Variants in MMRN1 observed in about 807,000 individuals in gnomAD.
MMRN1 encodes the protein multimerin 1.
A neutral mutation model predicts 100.7 loss-of-function variants in MMRN1; 94 were observed. The ratio of observed to expected loss-of-function variants is 0.93; its 90% CI spans 0.79 to 1.11. The LOEUF is 1.11. Among genes scored for constraint, MMRN1 ranks in the 50% least tolerant of loss-of-function variants. The pLI, the probability that MMRN1 is intolerant of heterozygous loss-of-function variation, is 0.00. For synonymous variants in MMRN1, 575 were observed against 505.0 expected, an observed-to-expected ratio of 1.14 and a Z score of -1.86; for missense variants, 1,606 against 1,439.1, an observed-to-expected ratio of 1.12 and a Z score of -1.88.
chr4:89,923,340 G>A (rs1410908781), intron 4 of MMRN1, 68 bp downstream of exon 4: 1 of 1,356,894 alleles, frequency 7.4e-7, no homozygotes, highest in Non-Finnish European at 1.0e-6. Flanking sequence ...CAACTTCCAA[G>A]CAAGAAATCT....
At chr4:89,903,661 C>T (rs1187165640) in intron 1 of MMRN1, among the ~76,000 whole-genome samples, 2 of 151,666 alleles carry the variant, frequency 1.3e-5, no homozygotes, top group Non-Finnish European at 1.5e-5. Context: ...TTTAGTCTCA[C>T]GACAATCGTG....
chr4:89,934,676 A>G (rs1722544578), intron 5 of MMRN1, 134 bp from the exon 6 acceptor site: 2 of 461,460 alleles, frequency 4.3e-6, no homozygotes, highest in East Asian at 3.6e-5. Context: ...TTAAAATTCT[A>G]TAAGTAAATG....
intron 6 of MMRN1, among the ~76,000 whole-genome samples, chr4:89,951,194 T>G (rs1723160575): frequency 6.6e-6 from 1 of 152,166 alleles, no homozygotes; most frequent in Non-Finnish European, 1.5e-5. Flanking sequence ...TATGTGGAAT[T>G]TATGTTTCTA....
intron 6 of MMRN1, among the ~76,000 whole-genome samples, chr4:89,949,986 G>C (rs1306128236): frequency 6.6e-6 from 1 of 152,204 alleles, no homozygotes; most frequent in African/African-American, 2.4e-5. Flanking sequence ...GGTGGCACCA[G>C]AGTAACTGTG....
intron 1 of MMRN1, among the ~76,000 whole-genome samples, chr4:89,908,070 C>T (rs1721627202): frequency 6.6e-6 from 1 of 151,226 alleles, no homozygotes. Flanking sequence ...ATCTTTAACA[C>T]ATTTTTTAAC....
intron 6 of MMRN1, among the ~76,000 whole-genome samples, chr4:89,942,369 TATTG>T (rs1722860618): frequency 6.6e-6 from 1 of 152,214 alleles, no homozygotes; most frequent in African/African-American, 2.4e-5. Context: ...TTTTGTAACT[TATTG>T]ATTATCAAAC....
chr4:89,895,697 T>G (rs2110579194), intron 1 of MMRN1, 103 bp downstream of exon 1: 1 of 1,434,626 alleles, frequency 7.0e-7, no homozygotes, highest in Non-Finnish European at 9.2e-7. Flanking sequence ...AAATTCAAGA[T>G]GAAATTGGAT....
rs142645101 is a variant in MMRN1 at position 89,899,758 on chromosome 4, T to C, written c.623+4164T>C. On this transcript the variant is annotated intron_variant, in intron 1 of 7. Coordinates refer to ENST00000264790, the MANE Select transcript of MMRN1 (RefSeq NM_007351.3). ...AGATCTTTGGCATTTTTCTCTCCCT[T>C]CTGGTTTTTATCTAATCTATCAAAA... 3.9e-3 allele frequency among the ~76,000 whole-genome samples: 595 copies of C among 152,134 alleles called. 8 individuals carry two copies. The highest frequency in any genetic ancestry group is 0.014 in the African/African-American group (573 of 41,530).
At chr4:89,909,142 A>T in intron 1 of MMRN1, 134 bp from the exon 2 acceptor site, 1 of 819,922 alleles carries the variant, frequency 1.2e-6, no homozygotes, top group Non-Finnish European at 1.8e-6. Flanking sequence ...AATATTTTAA[A>T]GCTAAATAGC....
At chr4:89,880,137 T>C (rs888503497) in intron 1 of MMRN1, among the ~76,000 whole-genome samples, 5 of 152,214 alleles carry the variant, frequency 3.3e-5, no homozygotes, top group Non-Finnish European at 5.9e-5. Context: ...TTGACTTCTT[T>C]GTGTCAACAC....
intron 1 of MMRN1, among the ~76,000 whole-genome samples, chr4:89,897,914 T>C (rs1356520667): frequency 2.0e-5 from 3 of 152,190 alleles, no homozygotes; most frequent in Non-Finnish European, 4.4e-5. Context: ...TATAACTTGC[T>C]GAACAGAACT....
chr4:89,908,290 A>G (rs1321903842), intron 1 of MMRN1, among the ~76,000 whole-genome samples: 7 of 151,496 alleles, frequency 4.6e-5, no homozygotes, highest in African/African-American at 2.4e-5. Flanking sequence ...CATCTTGTCC[A>G]GATTTATAAT....
chr4:89,884,573 A>C (rs2165614), intron 1 of MMRN1, among the ~76,000 whole-genome samples: 27,822 of 151,930 alleles, frequency 0.18, 3,363 homozygotes, highest in Non-Finnish European at 0.27. Flanking sequence ...ATAGTGAATT[A>C]TTTTTCTTTT....
chr4:89,932,628 C>T, intron 5 of MMRN1, among the ~76,000 whole-genome samples: 1 of 152,180 alleles, frequency 6.6e-6, no homozygotes, highest in Middle Eastern at 3.2e-3. Context: ...ACCTTCAAGC[C>T]CAACACCACA....
At chr4:89,898,072 T>G (rs1057085453) in intron 1 of MMRN1, among the ~76,000 whole-genome samples, 1 of 152,130 alleles carries the variant, frequency 6.6e-6, no homozygotes, top group Non-Finnish European at 1.5e-5. Context: ...TCCTTACTCA[T>G]TAGGCCATGC....
At chr4:89,951,570 T>A (rs1187107270) in intron 6 of MMRN1, 35 bp from the exon 7 acceptor site, 1 of 1,437,362 alleles carries the variant, frequency 7.0e-7, no homozygotes, top group Non-Finnish European at 9.2e-7. Context: ...TAGGTCACTT[T>A]ATTCTCTTTT....
intron 1 of MMRN1, among the ~76,000 whole-genome samples, chr4:89,899,923 G>A (rs1224276782): frequency 6.6e-6 from 1 of 151,718 alleles, no homozygotes; most frequent in Non-Finnish European, 1.5e-5. Context: ...CAAAAGGGAG[G>A]GATCTTTTGA....
chr4:89,902,248 G>T (rs1373225680), intron 1 of MMRN1: 2 of 151,584 alleles, frequency 1.3e-5, no homozygotes, highest in East Asian at 3.9e-4. Flanking sequence ...AGTGGGTGCA[G>T]CGCACCAGCA....
intron 3 of MMRN1, among the ~76,000 whole-genome samples, chr4:89,921,066 T>C (rs1205773841): frequency 6.6e-6 from 1 of 152,144 alleles, no homozygotes; most frequent in Admixed American, 6.6e-5. Context: ...AACAAAACAA[T>C]ATTATCTTTG....
Sources: allele counts gnomAD v4.1 joint callset (sites outside exome capture counted in the v4.1 genomes callset), GRCh38; gene constraint gnomAD v4.1.1; transcripts MANE v1.5; gene names NCBI Gene and HGNC (gene_info 2026-07-23, HGNC 2026-07-21).